The following CCL28 variants were observed in gnomAD, a reference collection of about 807,000 sequenced individuals.
The protein encoded by CCL28 is C-C motif chemokine ligand 28.
CCL28 carries 4 observed loss-of-function variants against 7.1 expected under a neutral mutation model. The observed-to-expected ratio is 0.56, with a 90% CI of 0.28 to 1.29. The LOEUF is 1.29. Among genes scored for constraint, CCL28 ranks in the 50% most tolerant of loss-of-function variants. The pLI is 0.11. For missense variants in CCL28, 151 were observed against 163.4 expected (o/e 0.92, Z 0.41); for synonymous variants, 55 against 57.8 (o/e 0.95, Z 0.22).
chr5:43,365,740 T>C, the CCL28 span, among the ~76,000 whole-genome samples: 2 of 152,226 alleles, frequency 1.3e-5, no homozygotes, highest in African/African-American at 4.8e-5. Flanking sequence ...CTGGATAATA[T>C]CCTGAAGAGT....
At position 43,379,747 on chromosome 5, in the gene CCL28, T is replaced by C. The variant is rs1408517553; in HGVS notation, c.*2113A>G. ...CTCTCTATTGGCTTCTTATGAACAC[T>C]ACTGGGCTCTTACCTATCTATCTTG... On this transcript the variant is annotated 3_prime_UTR_variant, in exon 3 of 3. Transcript: ENST00000361115. 1.3e-5 allele frequency: 2 copies of C among 152,152 alleles called. No individual in the cohort carries two copies. Among genetic ancestry groups the C allele is most frequent in the African/African-American group, 2.4e-5 (1 of 41,414 alleles). The allele number at this position is 152,152 out of a possible 1,614,324, so 9.4% of individuals were successfully genotyped here.
At chr5:43,403,854 G>A (rs545581251) in intron 1 of CCL28, among the ~76,000 whole-genome samples, 39 of 152,320 alleles carry the variant, frequency 2.6e-4, no homozygotes, top group African/African-American at 7.9e-4. Context: ...CGAGAACTAC[G>A]TGACGAATGC....
chr5:43,361,029 T>C, the CCL28 span, among the ~76,000 whole-genome samples: 4 of 152,166 alleles, frequency 2.6e-5, no homozygotes, highest in African/African-American at 9.7e-5. Context: ...TCCCCATGTG[T>C]TCTCATCATT....
chr5:43,372,397 C>T (rs1029595709), downstream of CCL28, among the ~76,000 whole-genome samples: 2 of 152,184 alleles, frequency 1.3e-5, no homozygotes, highest in Non-Finnish European at 2.9e-5. Flanking sequence ...GAGACAGAAT[C>T]TTGCTTTGAC....
chr5:43,365,520 C>G, the CCL28 span, among the ~76,000 whole-genome samples: 1 of 151,608 alleles, frequency 6.6e-6, no homozygotes, highest in African/African-American at 2.4e-5. Context: ...TTTTTTTCTC[C>G]CCCCCATATT....
chr5:43,382,467 T>C (rs903226772), intron 2 of CCL28, among the ~76,000 whole-genome samples: 1 of 152,310 alleles, frequency 6.6e-6, no homozygotes, highest in East Asian at 1.9e-4. Context: ...TTGTTTGAGA[T>C]TTTTCTGATC....
chr5:43,390,996 G>A (rs1300601418), intron 1 of CCL28, among the ~76,000 whole-genome samples: 1 of 152,180 alleles, frequency 6.6e-6, no homozygotes, highest in African/African-American at 2.4e-5. Context: ...TGGCATTTTT[G>A]AGATTGTATC....
intron 1 of CCL28, among the ~76,000 whole-genome samples, chr5:43,391,775 A>C (rs1268713208): frequency 6.6e-6 from 1 of 151,988 alleles, no homozygotes; most frequent in Non-Finnish European, 1.5e-5. Flanking sequence ...TAATTTAAAT[A>C]ATCTACACAG....
intron 1 of CCL28, among the ~76,000 whole-genome samples, chr5:43,398,532 C>T (rs1740906825): frequency 2.6e-5 from 4 of 152,172 alleles, no homozygotes; most frequent in Admixed American, 2.6e-4. Flanking sequence ...TTCCTAGTTA[C>T]TAGTCTCTTC....
chr5:43,388,492 A>G lies in CCL28; in HGVS notation c.65-16T>C. ...GGAAGTATGGCTAAAAGAAGAAAAG[A>G]AAGAAAATGTTAAATTTTACGGTTT... is the stretch of plus-strand genomic sequence containing the variant. On this transcript the variant is annotated splice_polypyrimidine_tract_variant and intron_variant, in intron 1 of 2. Transcript: ENST00000361115. 3.1e-6 allele frequency: 5 copies of G among 1,612,204 alleles called. No individual in the cohort carries two copies. Among genetic ancestry groups the G allele is most frequent in the Non-Finnish European group, 4.2e-6 (5 of 1,179,534 alleles).
the CCL28 span, among the ~76,000 whole-genome samples, chr5:43,365,919 C>G: frequency 2.0e-5 from 3 of 152,182 alleles, no homozygotes; most frequent in African/African-American, 4.8e-5. Flanking sequence ...GATCTTCAAT[C>G]TCTGATACCC....
At chr5:43,376,804 A>G (rs1016071153), downstream of CCL28, 1 of 152,188 alleles carries the variant, frequency 6.6e-6, no homozygotes, top group Non-Finnish European at 1.5e-5. Flanking sequence ...TCATTAGGAT[A>G]TGGAAATTGC....
chr5:43,387,069 A>G (rs768180559), intron 2 of CCL28, among the ~76,000 whole-genome samples: 1 of 152,232 alleles, frequency 6.6e-6, no homozygotes, highest in Non-Finnish European at 1.5e-5. Context: ...CAAAGAAAGG[A>G]GCACCAAATG....
intron 1 of CCL28, among the ~76,000 whole-genome samples, chr5:43,409,380 T>C (rs184363072): frequency 6.6e-6 from 1 of 152,184 alleles, no homozygotes; most frequent in East Asian, 1.9e-4. Flanking sequence ...GAGCCGAGAT[T>C]GCACCATTGC....
chr5:43,404,825 G>C (rs1340402091), intron 1 of CCL28, among the ~76,000 whole-genome samples: 1 of 152,032 alleles, frequency 6.6e-6, no homozygotes, highest in Non-Finnish European at 1.5e-5. Flanking sequence ...GATCTACCAA[G>C]CAAATGGAAA....
chr5:43,365,224 C>T, the CCL28 span, among the ~76,000 whole-genome samples: 6 of 152,102 alleles, frequency 3.9e-5, no homozygotes, highest in East Asian at 1.9e-4. Flanking sequence ...AGGATGGTCT[C>T]GATCTCCTGA....
chr5:43,383,449 G>A (rs568283760), intron 2 of CCL28, among the ~76,000 whole-genome samples: 43 of 152,230 alleles, frequency 2.8e-4, no homozygotes, highest in Non-Finnish European at 5.0e-4. Flanking sequence ...GAGAAAAGTG[G>A]GGAGAATCGG....
Position 43,412,375 on chromosome 5 carries a change from G to A in CCL28, c.-59C>T. On this transcript the variant is annotated 5_prime_UTR_variant, in exon 1 of 3. Coordinates refer to ENST00000361115, the MANE Select transcript of CCL28 (RefSeq NM_148672.3). ...AAGTGAGGCTGTTCGATCAGGAAAT[G>A]AGGCTAAAGGTGTCCTTGGGCACAG... 1 of 1,495,120 alleles carries A rather than the reference G, an allele frequency of 6.7e-7. No individual in the cohort carries two copies. The highest frequency in any genetic ancestry group is 9.2e-7 in the Non-Finnish European group (1 of 1,083,528). The allele number at this position is 1,495,120 out of a possible 1,614,324, so 92.6% of individuals were successfully genotyped here. A position where few individuals can be genotyped will look rare whatever the true frequency, so the allele number is the denominator to read the frequency against.
rs1740056657 is a variant in CCL28, at chr5:43,380,273, G to A, written c.*1587C>T. 6.6e-6 allele frequency: 1 copy of A among 152,174 alleles called. No individual in the cohort carries two copies. Among genetic ancestry groups the A allele is most frequent in the South Asian group, 2.1e-4 (1 of 4,830 alleles). The allele number at this position is 152,174 out of a possible 1,614,324, so 9.4% of individuals were successfully genotyped here. A position where few individuals can be genotyped will look rare whatever the true frequency, so the allele number is the denominator to read the frequency against. On this transcript the variant is annotated 3_prime_UTR_variant, in exon 3 of 3. Transcript: ENST00000361115. The stretch of plus-strand genomic sequence containing the variant: ...TAGTGCTGCTCCAAGAACTGACTGG[G>A]GGAGGCAAAAGGTTCTGGGCAGAAA...
Sources: allele counts gnomAD v4.1 joint callset (sites outside exome capture counted in the v4.1 genomes callset), GRCh38; gene constraint gnomAD v4.1.1; transcripts MANE v1.5; gene names NCBI Gene and HGNC (gene_info 2026-07-23, HGNC 2026-07-21).